Variants in CACNG2 observed in about 807,000 individuals in gnomAD.
CACNG2 encodes calcium voltage-gated channel auxiliary subunit gamma 2, also known as voltage-dependent calcium channel gamma-2 subunit.
In CACNG2, 3 loss-of-function variants were observed where a neutral mutation model predicts 25.9. The ratio of observed to expected loss-of-function variants is 0.12; its 90% confidence interval spans 0.05 to 0.30. The LOEUF (loss-of-function observed/expected upper bound fraction) is 0.30, where lower values mean the gene tolerates loss of function less well. Ranked by LOEUF, CACNG2 falls within the 10% of genes least tolerant of loss-of-function variation. The pLI is 1.00. For synonymous variants in CACNG2, 167 were observed against 173.3 expected, an observed-to-expected ratio of 0.96 and a Z score of 0.29; for missense variants, 341 against 432.5, an observed-to-expected ratio of 0.79 and a Z score of 1.88.
chr22:36,574,316 G>A (rs1163931551), intron 2 of CACNG2, among the ~76,000 whole-genome samples: 1 of 152,208 alleles, frequency 6.6e-6, no homozygotes, highest in Non-Finnish European at 1.5e-5. Flanking sequence ...GGCATGGACA[G>A]AGGCAGATGT....
At chr22:36,583,430 C>T (rs1397685001) in intron 2 of CACNG2, among the ~76,000 whole-genome samples, 1 of 141,258 alleles carries the variant, frequency 7.1e-6, no homozygotes, top group Non-Finnish European at 1.5e-5. Flanking sequence ...AAGATTCCGT[C>T]TCAAAAAAAA....
intron 1 of CACNG2, among the ~76,000 whole-genome samples, chr22:36,632,769 T>G (rs572533554): frequency 3.4e-4 from 52 of 152,224 alleles, no homozygotes; most frequent in Non-Finnish European, 6.5e-4. Context: ...GGATTCCTCC[T>G]CATCTTCTAG....
intron 1 of CACNG2, among the ~76,000 whole-genome samples, chr22:36,595,108 GGT>G (rs921421370): frequency 3.4e-5 from 5 of 148,198 alleles, no homozygotes; most frequent in African/African-American, 9.9e-5. Flanking sequence ...TGTGTGCATG[GGT>G]GTGTGTGTGT....
intron 1 of CACNG2, among the ~76,000 whole-genome samples, chr22:36,587,809 A>C (rs926741349): frequency 1.3e-5 from 2 of 152,256 alleles, no homozygotes; most frequent in South Asian, 4.1e-4. Flanking sequence ...TCTGAGGATT[A>C]GCGGAGGCTT....
chr22:36,598,767 T>G (rs1183543806), intron 1 of CACNG2, among the ~76,000 whole-genome samples: 1 of 151,882 alleles, frequency 6.6e-6, no homozygotes, highest in Non-Finnish European at 1.5e-5. Context: ...TCACTTGAGA[T>G]CAGGAGTTCT....
intron 1 of CACNG2, among the ~76,000 whole-genome samples, chr22:36,656,028 G>A (rs1936701490): frequency 6.6e-6 from 1 of 152,060 alleles, no homozygotes. Flanking sequence ...GGCTGGTCTT[G>A]AACTCCTGAC....
chr22:36,673,878 C>T (rs1216962164), intron 1 of CACNG2, among the ~76,000 whole-genome samples: 1 of 152,004 alleles, frequency 6.6e-6, no homozygotes, highest in African/African-American at 2.4e-5. Context: ...AGTGAAAACA[C>T]TCAGGCAGGC....
intron 1 of CACNG2, among the ~76,000 whole-genome samples, chr22:36,682,115 T>C (rs1384913027): frequency 6.6e-6 from 1 of 152,234 alleles, no homozygotes; most frequent in Non-Finnish European, 1.5e-5. Flanking sequence ...ACTGCAGGAA[T>C]GCTACGAGAC....
rs966812786 is a variant in CACNG2, at chr22:36,562,649, A to T, written c.*1702T>A. 3.9e-5 allele frequency: 6 copies of T among 152,120 alleles called. No individual in the cohort carries two copies. Among genetic ancestry groups the T allele is most frequent in the African/African-American group, 1.2e-4 (5 of 41,306 alleles). 9.4% of individuals were successfully genotyped at this position (152,120 alleles called of 1,614,324 possible). On this transcript the variant is annotated 3_prime_UTR_variant, in exon 4 of 4. Transcript: ENST00000300105. Reference sequence around the variant, plus strand: ...AGCCACGCCCCTGGCCGTGTATGGGATGGAAGGGTTGAGACTGAGTGTGTC... The same window carrying T: ...AGCCACGCCCCTGGCCGTGTATGGGTTGGAAGGGTTGAGACTGAGTGTGTC...
At chr22:36,641,502 G>A (rs1346020387) in intron 1 of CACNG2, among the ~76,000 whole-genome samples, 1 of 152,116 alleles carries the variant, frequency 6.6e-6, no homozygotes, top group Non-Finnish European at 1.5e-5. Context: ...CCCTTGGGAG[G>A]GGCAACGCAT....
chr22:36,577,156 C>T (rs1393202597), intron 2 of CACNG2, among the ~76,000 whole-genome samples: 2 of 152,186 alleles, frequency 1.3e-5, no homozygotes, highest in East Asian at 3.8e-4. Context: ...TGAGGAGTAA[C>T]TGAGTACACA....
At chr22:36,619,275 T>A (rs1034053054) in intron 1 of CACNG2, among the ~76,000 whole-genome samples, 1 of 152,224 alleles carries the variant, frequency 6.6e-6, no homozygotes, top group South Asian at 2.1e-4. Context: ...ATAATTCTGA[T>A]GGCACCGCAG....
At chr22:36,672,339 A>G (rs1465806748) in intron 1 of CACNG2, among the ~76,000 whole-genome samples, 2 of 152,018 alleles carry the variant, frequency 1.3e-5, no homozygotes, top group Non-Finnish European at 2.9e-5. Context: ...AAAAATTTTT[A>G]TAGAGACTTG....
intron 1 of CACNG2, among the ~76,000 whole-genome samples, chr22:36,687,732 C>T (rs1279497338): frequency 6.6e-6 from 1 of 152,070 alleles, no homozygotes; most frequent in Non-Finnish European, 1.5e-5. Flanking sequence ...TGGGTGGGCA[C>T]GTGGTAATCC....
chr22:36,664,566 T>C (rs1936847138), intron 1 of CACNG2, among the ~76,000 whole-genome samples: 1 of 152,108 alleles, frequency 6.6e-6, no homozygotes, highest in Admixed American at 6.5e-5. Context: ...GATCAACCTG[T>C]CCAAGACCTC....
chr22:36,602,720 T>A (rs1268267168), intron 1 of CACNG2, among the ~76,000 whole-genome samples: 1 of 152,212 alleles, frequency 6.6e-6, no homozygotes, highest in Non-Finnish European at 1.5e-5. Flanking sequence ...GTTATGGCGA[T>A]CTGTGATCAG....
intron 1 of CACNG2, among the ~76,000 whole-genome samples, chr22:36,653,475 C>T (rs1037585660): frequency 2.6e-5 from 4 of 152,196 alleles, no homozygotes; most frequent in Admixed American, 1.3e-4. Flanking sequence ...TGGAGCTGAC[C>T]GGGGGCTGCC....
At chr22:36,604,105 A>G (rs1935796989) in intron 1 of CACNG2, among the ~76,000 whole-genome samples, 1 of 152,216 alleles carries the variant, frequency 6.6e-6, no homozygotes, top group Non-Finnish European at 1.5e-5. Flanking sequence ...CATTAACAGG[A>G]ATTTGGAAGA....
chr22:36,588,253 C>A (rs1935535364), intron 1 of CACNG2, among the ~76,000 whole-genome samples: 2 of 152,170 alleles, frequency 1.3e-5, no homozygotes, highest in South Asian at 4.1e-4. Context: ...TGAGCAAGTG[C>A]TTGTGGCTAG....
Sources: gnomAD v4.1 joint callset for allele counts (sites outside exome capture counted in the v4.1 genomes callset) on GRCh38, gnomAD v4.1.1 for gene constraint, MANE v1.5 for transcripts, NCBI Gene and HGNC (gene_info 2026-07-23, HGNC 2026-07-21) for gene names.